Variants in PPIA observed in about 807,000 individuals in gnomAD.
PPIA encodes peptidylprolyl isomerase A, also known as peptidyl-prolyl cis-trans isomerase A.
PPIA carries 2 observed loss-of-function variants against 15.3 expected under a neutral mutation model. The observed-to-expected ratio is 0.13, with a 90% CI of 0.05 to 0.41. The LOEUF (loss-of-function observed/expected upper bound fraction) is 0.41, where lower values mean the gene tolerates loss of function less well. Ranked by LOEUF, PPIA falls within the 10% of genes least tolerant of loss-of-function variation. PPIA has a pLI of 0.99. For missense variants in PPIA, 103 were observed against 210.3 expected (o/e 0.49, Z 3.16); for synonymous variants, 67 against 73.1 (o/e 0.92, Z 0.43).
At chr7:44,799,096 A>T (rs1266417435) in intron 1 of PPIA, 151 bp from the exon 2 acceptor site, 9 of 1,118,006 alleles carry the variant, frequency 8.1e-6, no homozygotes, top group Non-Finnish European at 1.1e-5. Flanking sequence ...GCAGGGCCTT[A>T]TGGCTGTCAG....
At chr7:44,797,780 T>C (rs1485325960) in intron 1 of PPIA, among the ~76,000 whole-genome samples, 1 of 152,070 alleles carries the variant, frequency 6.6e-6, no homozygotes, top group Non-Finnish European at 1.5e-5. Context: ...CCTTAGGGAG[T>C]AGCGAAATAG....
chr7:44,799,162 A>T, intron 1 of PPIA, 85 bp from the exon 2 acceptor site: 1 of 1,421,614 alleles, frequency 7.0e-7, no homozygotes, highest in Non-Finnish European at 9.7e-7. Context: ...TGAGAAAATG[A>T]ATTTATGACT....
At chr7:44,799,093 C>T in intron 1 of PPIA, 154 bp from the exon 2 acceptor site, 1 of 1,104,020 alleles carries the variant, frequency 9.1e-7, no homozygotes, top group Non-Finnish European at 1.3e-6. Context: ...CCTGCAGGGC[C>T]TTATGGCTGT....
In PPIA at chr7:44,801,816, C is replaced by T. The variant is rs139105425; in HGVS notation, c.*394C>T. 2.7e-3 allele frequency: 557 copies of T among 203,884 alleles called. 5 individuals are homozygous for T. Among genetic ancestry groups the T allele is most frequent in the African/African-American group, 0.012 (490 of 42,020 alleles). The allele number at this position is 203,884 out of a possible 1,614,324, so 12.6% of individuals were successfully genotyped here. A position where few individuals can be genotyped will look rare whatever the true frequency, so the allele number is the denominator to read the frequency against. Reference sequence around the variant, plus strand: ...TGTAGGCAGCAACTGGGCATGGTGGCTCACTGTCTGTAATGTATTACCTGA... The same window carrying T: ...TGTAGGCAGCAACTGGGCATGGTGGTTCACTGTCTGTAATGTATTACCTGA... On this transcript the variant is annotated 3_prime_UTR_variant, in exon 5 of 5. Coordinates refer to ENST00000468812, the MANE Select transcript of PPIA (RefSeq NM_021130.5).
intron 1 of PPIA, 80 bp from the exon 2 acceptor site, chr7:44,799,167 A>G (rs1323326202): frequency 3.5e-6 from 5 of 1,433,478 alleles, no homozygotes; most frequent in Admixed American, 2.1e-5. Flanking sequence ...AAATGAATTT[A>G]TGACTCAGAA....
intron 3 of PPIA, 72 bp from the exon 4 acceptor site, chr7:44,799,630 T>C: frequency 6.2e-7 from 1 of 1,601,638 alleles, no homozygotes; most frequent in Non-Finnish European, 8.6e-7. Flanking sequence ...GGGTTTAAAG[T>C]TTGAACCTTG....
chr7:44,797,021 T>C (rs1792390305), intron 1 of PPIA, among the ~76,000 whole-genome samples: 1 of 151,906 alleles, frequency 6.6e-6, no homozygotes, highest in Non-Finnish European at 1.5e-5. Flanking sequence ...TGCGAGGCCG[T>C]TGGGGGAGGG....
chr7:44,799,322 A>T (rs769991894), intron 2 of PPIA, 45 bp downstream of exon 2: 33 of 1,607,880 alleles, frequency 2.1e-5, no homozygotes, highest in Admixed American at 3.3e-5. Flanking sequence ...CAATTGTGAC[A>T]GTTTGTGTGT....
Position 44,796,739 on chromosome 7 carries a change from C to T in PPIA, c.15C>T (p.Thr5=), listed in dbSNP as rs144989302. 390 of 1,610,290 alleles carry T rather than the reference C, an allele frequency of 2.4e-4. No homozygotes were observed. The African/African-American group carries it at 4.2e-3, about 17-fold the overall frequency. Residue 5 remains threonine, a synonymous_variant, in exon 1 of 5, where the codon ACC becomes ACT. Transcript: ENST00000468812. MVNP[T]VFFDIAVDGE... is the part of the protein sequence containing the mutation. ...TACTATTAGCCATGGTCAACCCCAC[C>T]GTGTTCTTCGACATTGCCGTCGACG...
intron 4 of PPIA, 75 bp from the exon 5 acceptor site, chr7:44,801,212 C>A: frequency 2.1e-5 from 31 of 1,454,748 alleles, no homozygotes; most frequent in South Asian, 3.7e-5. Flanking sequence ...AGCTACCTTT[C>A]TCGTCTTGGT....
At position 44,801,650 on chromosome 7, in the gene PPIA, G is replaced by T; in HGVS notation, c.*228G>T. On this transcript the variant is annotated 3_prime_UTR_variant, in exon 5 of 5. Coordinates refer to ENST00000468812, the MANE Select transcript of PPIA (RefSeq NM_021130.5). ...ACAATTGTCCTCGTTTGAGTTAAGA[G>T]TGTTGATGTAGGCTTTATTTTAAGC... 2.3e-6 allele frequency: 1 copy of T among 439,006 alleles called. No individual in the cohort carries two copies. Among genetic ancestry groups the T allele is most frequent in the Non-Finnish European group, 4.1e-6 (1 of 242,778 alleles). 27.2% of individuals were successfully genotyped at this position (439,006 alleles called of 1,614,324 possible). A position where few individuals can be genotyped will look rare whatever the true frequency, so the allele number is the denominator to read the frequency against.
intron 4 of PPIA, chr7:44,800,297 C>G (rs1031420475): frequency 1.6e-5 from 3 of 185,196 alleles, no homozygotes; most frequent in Non-Finnish European, 3.4e-5. Context: ...TCATGTTGGC[C>G]AAGCTGGTCT....
chr7:44,798,862 CTGATCG>C (rs1293228215), intron 1 of PPIA: 1 of 1,017,768 alleles, frequency 9.8e-7, no homozygotes, highest in Non-Finnish European at 1.2e-6. Flanking sequence ...CTGTTTACCC[CTGATCG>C]TGCAGCAGTG....
intron 4 of PPIA, among the ~76,000 whole-genome samples, chr7:44,800,855 T>C (rs1290822535): frequency 1.3e-5 from 2 of 152,144 alleles, no homozygotes; most frequent in Non-Finnish European, 2.9e-5. Flanking sequence ...TTTCGCTCTG[T>C]CGCCCAGGCT....
At chr7:44,797,018 C>T (rs1792390070) in intron 1 of PPIA, among the ~76,000 whole-genome samples, 1 of 152,092 alleles carries the variant, frequency 6.6e-6, no homozygotes, top group Non-Finnish European at 1.5e-5. Flanking sequence ...GGCTGCGAGG[C>T]CGTTGGGGGA....
intron 1 of PPIA, among the ~76,000 whole-genome samples, chr7:44,797,638 T>A (rs1212726670): frequency 6.6e-6 from 1 of 152,246 alleles, no homozygotes; most frequent in African/African-American, 2.4e-5. Flanking sequence ...TACCAGTGAT[T>A]ACCTAATTAG....
In PPIA at chr7:44,799,791, G is replaced by A. The variant is rs1005967937; in HGVS notation, c.279G>A (p.Thr93=). ...FEDENFILKH[T]GPGILSMANA... is the part of the protein sequence containing the mutation. ...ATGAGAACTTCATCCTAAAGCATAC[G>A]GGTCCTGGCATCTTGTCCATGGCAA... Residue 93 remains threonine, a synonymous_variant, in exon 4 of 5, where the codon ACG becomes ACA. Coordinates refer to ENST00000468812, the MANE Select transcript of PPIA (RefSeq NM_021130.5). The A allele has an allele frequency of 6.8e-6, 11 of 1,613,692 alleles. No homozygotes were observed. Among genetic ancestry groups the A allele is most frequent in the Middle Eastern group, 1.6e-4 (1 of 6,082 alleles).
chr7:44,798,866 TC>T, intron 1 of PPIA: 2 of 1,020,632 alleles, frequency 2.0e-6, no homozygotes, highest in Non-Finnish European at 1.2e-6. Context: ...TTACCCCTGA[TC>T]GTGCAGCAGT....
chr7:44,801,170 T>C lies in PPIA; in HGVS notation c.363-117T>C, dbSNP rs996511591. On this transcript the variant is annotated intron_variant, in intron 4 of 4. Transcript: ENST00000468812. ...GAGAATCATGTTTAATGACATTTAG[T>C]ACAAAAGGCTTCAGTTAAAAAAAAA... is the stretch of plus-strand genomic sequence containing the variant. The C allele has an allele frequency of 2.5e-5, 29 of 1,181,806 alleles. No homozygotes were observed. In the Middle Eastern group the frequency reaches 8.6e-4, roughly 35 times the overall value. The allele number at this position is 1,181,806 out of a possible 1,614,324, so 73.2% of individuals were successfully genotyped here.
Sources: gnomAD v4.1 joint callset for allele counts (sites outside exome capture counted in the v4.1 genomes callset) on GRCh38, gnomAD v4.1.1 for gene constraint, MANE v1.5 for transcripts, NCBI Gene and HGNC (gene_info 2026-07-23, HGNC 2026-07-21) for gene names.